Variants in RAD52 observed in about 807,000 individuals in gnomAD.
RAD52 encodes the protein DNA repair protein RAD52 homolog.
RAD52 carries 47 observed loss-of-function variants against 55.5 expected under a neutral mutation model. The observed-to-expected ratio is 0.85, with a 90% CI of 0.67 to 1.08. The LOEUF (loss-of-function observed/expected upper bound fraction) is 1.08. RAD52 is among the 50% of genes least tolerant of loss of function. RAD52 has a pLI of 0.00. For missense variants in RAD52, 468 were observed against 522.8 expected (o/e 0.90, Z 1.02); for synonymous variants, 184 against 198.9 (o/e 0.92, Z 0.63).
In RAD52 at chr12:920,427, G is replaced by T. The variant is rs1483325557; in HGVS notation, c.544-3607C>A. On this transcript the variant is annotated intron_variant, in intron 7 of 11. Transcript: ENST00000358495. ...AAAAATTAGCCGGGCGTAGGTGGCG[G>T]GCGCCTGTAGTCCCAGCTACTCAGG... Among the ~76,000 whole-genome samples, 20 of 143,336 alleles carry T rather than the reference G, an allele frequency of 1.4e-4. 4 individuals are homozygous for T. The highest frequency in any genetic ancestry group is 2.3e-4 in the Non-Finnish European group (15 of 65,720). The allele number at this position is 143,336 out of a possible 152,430, so 94.0% of individuals were successfully genotyped here.
At position 916,434 on chromosome 12, in the gene RAD52, G is replaced by A. The variant is rs748942709; in HGVS notation, c.775C>T (p.Leu259Phe). 5 of 1,607,750 alleles carry A rather than the reference G, an allele frequency of 3.1e-6. No individual in the cohort carries two copies. Among genetic ancestry groups the A allele is most frequent in the South Asian group, 1.1e-5 (1 of 90,616 alleles). ...VESEATHQRK[L>F]RQKQLQQQFR... ...TGCTGCTGCAGCTGCTTCTGCCGGA[G>A]CTTCCGCTGGTGCGTGGCCTCGCTC... The change falls in exon 9 of 12, where the codon CTC (leucine) becomes TTC (phenylalanine). Residue 259 changes from leucine (L) to phenylalanine (F), a missense_variant. Transcript: ENST00000358495.
chr12:944,212 T>G (rs750311428), intron 1 of RAD52, among the ~76,000 whole-genome samples: 5 of 151,096 alleles, frequency 3.3e-5, no homozygotes, highest in Middle Eastern at 3.2e-3. Flanking sequence ...CGAGACTGTC[T>G]CAAAAAAAAA....
intron 2 of RAD52, 69 bp downstream of exon 2, chr12:932,903 TCTA>T (rs975836390): frequency 3.6e-6 from 5 of 1,371,616 alleles, no homozygotes; most frequent in Non-Finnish European, 4.2e-6. Context: ...ACTACGATGC[TCTA>T]CAAACTGCCT....
chr12:913,150 G>A lies in RAD52; in HGVS notation c.*241C>T, dbSNP rs184456047. 1.4e-4 allele frequency: 60 copies of A among 425,116 alleles called. 1 individual carries two copies. The highest frequency in any genetic ancestry group is 1.3e-3 in the South Asian group (23 of 17,402). The allele number at this position is 425,116 out of a possible 1,614,324, so 26.3% of individuals were successfully genotyped here. On this transcript the variant is annotated 3_prime_UTR_variant, in exon 12 of 12. Coordinates refer to ENST00000358495, the MANE Select transcript of RAD52 (RefSeq NM_134424.4). The stretch of plus-strand genomic sequence containing the variant: ...TAAATAGTGGGAAGCCTCACAAGCC[G>A]AAGAAAAGGTATTCATCTGTCCAGA...
At chr12:925,777 C>T (rs2301882) in intron 6 of RAD52, among the ~76,000 whole-genome samples, 16,261 of 152,054 alleles carry the variant, frequency 0.11, 958 homozygotes, top group South Asian at 0.16. Flanking sequence ...GAAAAGATTA[C>T]GGCGCCATTC....
chr12:965,065 T>C (rs1958739894), intron 1 of RAD52, among the ~76,000 whole-genome samples: 1 of 151,864 alleles, frequency 6.6e-6, no homozygotes. Flanking sequence ...CTGCAACCTC[T>C]GCCTCCTGGG....
At chr12:983,905 T>A (rs1243594691) in intron 1 of RAD52, among the ~76,000 whole-genome samples, 4 of 152,214 alleles carry the variant, frequency 2.6e-5, no homozygotes, top group Admixed American at 6.5e-5. Flanking sequence ...GGCTTCAACA[T>A]ATGAATTTTG....
At chr12:972,788 AG>A in intron 1 of RAD52, among the ~76,000 whole-genome samples, 3 of 148,720 alleles carry the variant, frequency 2.0e-5, no homozygotes, top group Non-Finnish European at 3.0e-5. Context: ...AAAAAAAAAA[AG>A]GGCCGCTCTT....
chr12:954,268 T>C (rs956670510), upstream of RAD52, among the ~76,000 whole-genome samples: 1 of 152,226 alleles, frequency 6.6e-6, no homozygotes, highest in Non-Finnish European at 1.5e-5. Context: ...GTAAATATCT[T>C]CTCTTACTCT....
intron 2 of RAD52, among the ~76,000 whole-genome samples, chr12:932,619 A>G (rs2154114775): frequency 6.6e-6 from 1 of 152,260 alleles, no homozygotes; most frequent in East Asian, 1.9e-4. Flanking sequence ...CCCACAAAAA[A>G]TTTAAAATCT....
chr12:967,912 G>A (rs1017576562), intron 1 of RAD52, among the ~76,000 whole-genome samples: 9 of 152,076 alleles, frequency 5.9e-5, no homozygotes, highest in Non-Finnish European at 7.4e-5. Flanking sequence ...CTCCAGCCTG[G>A]GCTCAAGCTG....
At chr12:925,051 C>G (rs1245392983) in intron 7 of RAD52, among the ~76,000 whole-genome samples, 1 of 151,054 alleles carries the variant, frequency 6.6e-6, no homozygotes, top group Admixed American at 6.6e-5. Context: ...CCCGGGTTCA[C>G]GCCATTCTCC....
chr12:965,837 C>T (rs984664938), intron 1 of RAD52, among the ~76,000 whole-genome samples: 3 of 151,914 alleles, frequency 2.0e-5, no homozygotes, highest in East Asian at 3.9e-4. Flanking sequence ...CACATATGCA[C>T]CACCACACCT....
chr12:932,230 C>A (rs1054093583), intron 2 of RAD52, among the ~76,000 whole-genome samples: 2 of 152,110 alleles, frequency 1.3e-5, no homozygotes, highest in Non-Finnish European at 2.9e-5. Context: ...CGTGGTGGCT[C>A]ACGCCTGTAA....
chr12:925,045 G>C (rs1956954044), intron 7 of RAD52, among the ~76,000 whole-genome samples: 1 of 151,616 alleles, frequency 6.6e-6, no homozygotes, highest in African/African-American at 2.4e-5. Flanking sequence ...CTGCCTCCCG[G>C]GTTCACGCCA....
chr12:989,129 G>A (rs1041412692), intron 1 of RAD52, among the ~76,000 whole-genome samples: 5 of 152,116 alleles, frequency 3.3e-5, no homozygotes, highest in South Asian at 2.1e-4. Context: ...CTGAGATATA[G>A]GGAGGGTTCT....
intron 9 of RAD52, 151 bp from the exon 10 acceptor site, chr12:914,683 T>G: frequency 1.1e-6 from 1 of 880,268 alleles, no homozygotes; most frequent in South Asian, 1.6e-5. Context: ...TAAAAAGAAC[T>G]TCAGCTTCCC....
In RAD52 at chr12:916,829, AAAG is replaced by A. The variant is rs747546741; in HGVS notation, c.544-12_544-10del. Reference sequence around the variant, plus strand: ...TCCACTTCAAGAGGCAACTAGAAGGAAAGAAGAAAAACAAATTCCTTCAACTGG... The same window carrying A: ...TCCACTTCAAGAGGCAACTAGAAGGAAAGAAAAACAAATTCCTTCAACTGG... On this transcript the variant is annotated splice_polypyrimidine_tract_variant and intron_variant, in intron 7 of 11. Transcript: ENST00000358495. 2 of 1,590,800 alleles carry A rather than the reference AAAG, an allele frequency of 1.3e-6. No homozygotes were observed. Among genetic ancestry groups the A allele is most frequent in the East Asian group, 2.3e-5 (1 of 44,212 alleles).
rs367718256 is a variant in RAD52 at position 916,659 on chromosome 12, C to T, written c.705G>A (p.Ala235=). 1.3e-4 allele frequency: 208 copies of T among 1,613,820 alleles called. 1 individual carries two copies. Among genetic ancestry groups the T allele is most frequent in the Non-Finnish European group, 1.7e-4 (199 of 1,179,818 alleles). The change falls in exon 8 of 12, where the codon GCG becomes GCA. Residue 235 remains alanine (A), a synonymous_variant. Transcript: ENST00000358495. ...CATACCGGGAGCTGCAGTCCTGGTC[C>T]GCCGGTATCACAGCATGGCTGGGTC... ...PSRPSHAVIP[A]DQDCSSRSLS... is the part of the protein sequence containing the mutation.
Sources: allele counts gnomAD v4.1 joint callset (sites outside exome capture counted in the v4.1 genomes callset), GRCh38; gene constraint gnomAD v4.1.1; transcripts MANE v1.5; gene names NCBI Gene and HGNC (gene_info 2026-07-23, HGNC 2026-07-21).